LEMD3: variants seen among roughly 807,000 people sequenced by gnomAD.
The protein encoded by LEMD3 is inner nuclear membrane protein Man1.
LEMD3 carries 33 observed loss-of-function variants against 95.2 expected under a neutral mutation model. The ratio of observed to expected loss-of-function variants is 0.35; its 90% CI spans 0.26 to 0.46. The LOEUF is 0.46. Among genes scored for constraint, LEMD3 ranks in the 20% least tolerant of loss-of-function variants. The pLI is 1.00. For missense variants in LEMD3, 1,210 were observed against 1,192.8 expected, an observed-to-expected ratio of 1.01 and a Z score of -0.21; for synonymous variants, 525 against 474.6, an observed-to-expected ratio of 1.11 and a Z score of -1.38.
At chr12:65,241,556 G>A (rs1349462584) in intron 9 of LEMD3, among the ~76,000 whole-genome samples, 1 of 151,718 alleles carries the variant, frequency 6.6e-6, no homozygotes, top group Non-Finnish European at 1.5e-5. Context: ...AGTAACTTTT[G>A]TGGGTATCTT....
At chr12:65,245,607 C>A in intron 10 of LEMD3, 62 bp from the exon 11 acceptor site, 1 of 1,062,408 alleles carries the variant, frequency 9.4e-7, no homozygotes, top group Non-Finnish European at 1.5e-6. Context: ...TTGTAAGAGA[C>A]AGTGAAGAAT....
In LEMD3 at chr12:65,247,395, A is replaced by T. The variant is rs556692842; in HGVS notation, c.*1070A>T. 1 of 152,704 alleles carries T rather than the reference A, an allele frequency of 6.5e-6. No homozygotes were observed. The highest frequency in any genetic ancestry group is 2.1e-4 in the South Asian group (1 of 4,826). 9.5% of individuals were successfully genotyped at this position (152,704 alleles called of 1,614,324 possible). On this transcript the variant is annotated 3_prime_UTR_variant, in exon 13 of 13. Coordinates refer to ENST00000308330, the MANE Select transcript of LEMD3 (RefSeq NM_014319.5). ...CTCTGTTATATGTCAAGTTTAAAGC[A>T]GGGCACATTGTTGCAGCAAAATGTG...
chr12:65,231,157 G>C (rs576874620), intron 4 of LEMD3, among the ~76,000 whole-genome samples: 110 of 151,864 alleles, frequency 7.2e-4, no homozygotes, highest in African/African-American at 2.5e-3. Flanking sequence ...TTATAGTTAG[G>C]TTTATGTATG....
chr12:65,244,283 A>ACCCCC (rs34697632), intron 10 of LEMD3, among the ~76,000 whole-genome samples: 1 of 125,760 alleles, frequency 8.0e-6, no homozygotes, highest in Non-Finnish European at 1.7e-5. Flanking sequence ...ACACACACAC[A>ACCCCC]CACCCCCCCC....
chr12:65,241,106 C>G lies in LEMD3; in HGVS notation c.2305+19C>G, dbSNP rs1460505560. On this transcript the variant is annotated intron_variant, in intron 9 of 12. Transcript: ENST00000308330. Reference sequence around the variant, plus strand: ...GGTCAAGGTATGTATTTTTAAACATCAAAAAAGTAATTTTCTTCTAATTTT... The same window carrying G: ...GGTCAAGGTATGTATTTTTAAACATGAAAAAAGTAATTTTCTTCTAATTTT... The G allele has an allele frequency of 8.7e-6, 14 of 1,600,222 alleles. No individual in the cohort carries two copies. The highest frequency in any genetic ancestry group is 1.7e-5 in the Admixed American group (1 of 59,802).
Position 65,245,779 on chromosome 12 carries a change from A to G in LEMD3, c.2493+5A>G, listed in dbSNP as rs1555196265. On this transcript the variant is annotated splice_donor_5th_base_variant and intron_variant, in intron 11 of 12. Transcript: ENST00000308330. Reference sequence around the variant, plus strand: ...GTAGACAAAAATTCACGTGAGGTAAAGTAACTTTTGGTATTGAATTTCATG... The same window carrying G: ...GTAGACAAAAATTCACGTGAGGTAAGGTAACTTTTGGTATTGAATTTCATG... 3.7e-6 allele frequency: 6 copies of G among 1,610,748 alleles called. No individual in the cohort carries two copies. Among genetic ancestry groups the G allele is most frequent in the Non-Finnish European group, 5.1e-6 (6 of 1,177,036 alleles).
intron 1 of LEMD3, among the ~76,000 whole-genome samples, chr12:65,187,678 T>G (rs1183833472): frequency 6.6e-6 from 1 of 152,044 alleles, no homozygotes; most frequent in African/African-American, 2.4e-5. Flanking sequence ...AAGAGATAAA[T>G]GGACTCCAGG....
intron 9 of LEMD3, among the ~76,000 whole-genome samples, chr12:65,243,075 A>G (rs1870983586): frequency 6.6e-6 from 1 of 151,922 alleles, no homozygotes; most frequent in Non-Finnish European, 1.5e-5. Flanking sequence ...TTCCCACATA[A>G]ATTTCACTTT....
chr12:65,193,734 G>C (rs986139051), intron 1 of LEMD3, among the ~76,000 whole-genome samples: 2 of 120,012 alleles, frequency 1.7e-5, no homozygotes, highest in African/African-American at 5.5e-5. Flanking sequence ...ATAACTGGCT[G>C]TGTGTGTGTG....
chr12:65,199,603 A>G (rs1869532461), intron 1 of LEMD3, among the ~76,000 whole-genome samples: 1 of 151,968 alleles, frequency 6.6e-6, no homozygotes, highest in African/African-American at 2.4e-5. Context: ...ATCATTCTAA[A>G]ACCAAAAAAA....
chr12:65,192,481 T>C (rs994128951), intron 1 of LEMD3, among the ~76,000 whole-genome samples: 1 of 152,168 alleles, frequency 6.6e-6, no homozygotes, highest in Non-Finnish European at 1.5e-5. Flanking sequence ...CATTCTTCTT[T>C]AGGATGGAAG....
chr12:65,232,889 A>G (rs1223286869), intron 4 of LEMD3, among the ~76,000 whole-genome samples: 1 of 152,170 alleles, frequency 6.6e-6, no homozygotes, highest in African/African-American at 2.4e-5. Context: ...TGTGAAGAAA[A>G]TAATAGGAAA....
intron 4 of LEMD3, among the ~76,000 whole-genome samples, chr12:65,231,335 C>G (rs1391583740): frequency 6.6e-6 from 1 of 151,996 alleles, no homozygotes; most frequent in Non-Finnish European, 1.5e-5. Flanking sequence ...ATTTTAAGGT[C>G]TATATAAAAG....
chr12:65,230,720 C>G (rs1052356314), intron 4 of LEMD3, among the ~76,000 whole-genome samples: 1 of 152,136 alleles, frequency 6.6e-6, no homozygotes, highest in African/African-American at 2.4e-5. Context: ...AATTTTTCTC[C>G]TTTCCAATTT....
chr12:65,216,098 A>G, intron 3 of LEMD3, 55 bp downstream of exon 3: 7 of 1,058,116 alleles, frequency 6.6e-6, no homozygotes, highest in South Asian at 1.3e-5. Context: ...TGTATGTAGC[A>G]TGTTATTAGT....
chr12:65,202,876 C>T (rs1024130090), intron 1 of LEMD3, among the ~76,000 whole-genome samples: 1 of 152,096 alleles, frequency 6.6e-6, no homozygotes, highest in African/African-American at 2.4e-5. Flanking sequence ...TTTTAATATC[C>T]ATGGGATCCA....
chr12:65,234,122 G>A (rs1870707623), intron 4 of LEMD3, among the ~76,000 whole-genome samples: 1 of 152,200 alleles, frequency 6.6e-6, no homozygotes, highest in Non-Finnish European at 1.5e-5. Flanking sequence ...ATGCTGGAAT[G>A]CCTTACCTTA....
intron 4 of LEMD3, among the ~76,000 whole-genome samples, chr12:65,232,715 G>A (rs548407456): frequency 6.6e-6 from 1 of 152,204 alleles, no homozygotes; most frequent in Non-Finnish European, 1.5e-5. Context: ...GAACATTGAA[G>A]AAATACATAG....
chr12:65,247,480 C>T lies in LEMD3; in HGVS notation c.*1155C>T, dbSNP rs1235732083. 7 of 152,270 alleles carry T rather than the reference C, an allele frequency of 4.6e-5. No homozygotes were observed. The East Asian group carries it at 1.2e-3, about 25-fold the overall frequency. The allele number at this position is 152,270 out of a possible 1,614,324, so 9.4% of individuals were successfully genotyped here. A position where few individuals can be genotyped will look rare whatever the true frequency, so the allele number is the denominator to read the frequency against. ...GAAAGTTTGCAATATAGTAAATGCA[C>T]GATTGACTGTTGCTTTGTGCCTCAG... On this transcript the variant is annotated 3_prime_UTR_variant, in exon 13 of 13. Transcript: ENST00000308330.
Sources: allele counts gnomAD v4.1 joint callset (sites outside exome capture counted in the v4.1 genomes callset), GRCh38; gene constraint gnomAD v4.1.1; transcripts MANE v1.5; gene names NCBI Gene and HGNC (gene_info 2026-07-23, HGNC 2026-07-21).